ABR: variants seen among roughly 807,000 people sequenced by gnomAD.
The protein encoded by ABR is ABR activator of RhoGEF and GTPase.
In ABR, 35 loss-of-function variants were observed where a neutral mutation model predicts 107.2. The ratio of observed to expected loss-of-function variants is 0.33; its 90% CI spans 0.25 to 0.43. ABR has a LOEUF of 0.43. Ranked by LOEUF, ABR falls within the 20% of genes least tolerant of loss-of-function variation. The probability of loss-of-function intolerance (pLI) is 1.00; values close to 1 mark genes in which losing one functional copy is unlikely to be tolerated. For synonymous variants in ABR, 498 were observed against 462.0 expected, an observed-to-expected ratio of 1.08 and a Z score of -1.00; for missense variants, 815 against 1,115.2, an observed-to-expected ratio of 0.73 and a Z score of 3.83.
At chr17:1,224,541 T>G (rs906166932) in intron 1 of ABR, among the ~76,000 whole-genome samples, 1 of 152,106 alleles carries the variant, frequency 6.6e-6, no homozygotes, top group Non-Finnish European at 1.5e-5. Flanking sequence ...ATAATGAGTG[T>G]GATTGCTGGT....
intron 1 of ABR, chr17:1,177,786 A>G (rs1466516421): frequency 6.6e-6 from 1 of 152,260 alleles, no homozygotes; most frequent in African/African-American, 2.4e-5. Flanking sequence ...TTGCAAGCAC[A>G]CAGCTAAGAG....
chr17:1,206,209 A>G (rs1024654501), intron 1 of ABR, among the ~76,000 whole-genome samples: 1 of 152,146 alleles, frequency 6.6e-6, no homozygotes, highest in African/African-American at 2.4e-5. Context: ...CTCTCATGTG[A>G]CCACTGACGT....
Position 1,069,614 on chromosome 17 carries a change from G to A in ABR, c.1016+355C>T, listed in dbSNP as rs2035045767. On this transcript the variant is annotated intron_variant, in intron 9 of 22. Coordinates refer to ENST00000302538, the MANE Select transcript of ABR (RefSeq NM_021962.5). ...TTGAACCCGGGAGGCAGAGGTTGCA[G>A]TGAGCCGAGATCGCACCACTGCACT... 2.6e-5 allele frequency among the ~76,000 whole-genome samples: 4 copies of A among 152,294 alleles called. No homozygotes were observed. The South Asian group carries it at 8.3e-4, about 32-fold the overall frequency.
At chr17:1,190,388 CT>C (rs1464307625), upstream of ABR, among the ~76,000 whole-genome samples, 1 of 152,220 alleles carries the variant, frequency 6.6e-6, no homozygotes, top group East Asian at 1.9e-4. Context: ...AATCCCAGCA[CT>C]TTGGGAGGCC....
At chr17:1,081,109 C>G (rs1217191766) in intron 5 of ABR, among the ~76,000 whole-genome samples, 1 of 152,188 alleles carries the variant, frequency 6.6e-6, no homozygotes, top group Non-Finnish European at 1.5e-5. Flanking sequence ...ACCCCACACT[C>G]TCTGCACCAT....
rs1479450836 is a variant in ABR at position 1,148,765 on chromosome 17, A to C, written c.62-23398T>G. Among the ~76,000 whole-genome samples the C allele has an allele frequency of 6.6e-6, 1 of 152,224 alleles. No homozygotes were observed. Among genetic ancestry groups the C allele is most frequent in the East Asian group, 1.9e-4 (1 of 5,202 alleles). On this transcript the variant is annotated intron_variant, in intron 1 of 22. Coordinates refer to ENST00000302538, the MANE Select transcript of ABR (RefSeq NM_021962.5). The surrounding 1 kb of genome is among the most constrained non-coding windows in gnomAD (Gnocchi z 4.9). ...TTTCACAGATGCGGAGTCTCAGTTT[A>C]GCCAGGTGAGAGTTCCGGAGATGAC... is the stretch of plus-strand genomic sequence containing the variant.
chr17:1,025,091 C>T (rs1234298838), intron 16 of ABR, among the ~76,000 whole-genome samples: 3 of 113,860 alleles, frequency 2.6e-5, no homozygotes, highest in African/African-American at 9.7e-5. Context: ...CACTGCACTC[C>T]AGCCTGGGCG....
At chr17:1,018,342 C>T (rs1006696254) in intron 16 of ABR, among the ~76,000 whole-genome samples, 61 of 152,148 alleles carry the variant, frequency 4.0e-4, no homozygotes, top group African/African-American at 1.4e-3. Flanking sequence ...ACGCCTGGCC[C>T]GGGCCCTTAT....
intron 16 of ABR, among the ~76,000 whole-genome samples, chr17:1,018,839 A>C (rs1386811501): frequency 1.3e-5 from 2 of 152,206 alleles, no homozygotes; most frequent in African/African-American, 4.8e-5. Flanking sequence ...TGATCATGAT[A>C]GCAGACATAT....
Position 1,058,010 on chromosome 17 carries a change from C to T in ABR, c.1341G>A (p.Arg447=), listed in dbSNP as rs1008501716. 1.2e-5 allele frequency: 19 copies of T among 1,613,876 alleles called. No individual in the cohort carries two copies. Among genetic ancestry groups the T allele is most frequent in the Admixed American group, 3.3e-5 (2 of 59,990 alleles). ...YLFLLSSDYE[R]SEWREAIQKL... ...TCTGAATTGCTTCTCTCCACTCTGA[C>T]CTCTCGTAGTCCGAGGACAGTAGGA... is the stretch of plus-strand genomic sequence containing the variant. The change falls in exon 12 of 23, where the codon AGG becomes AGA. Residue 447 remains arginine (R), a synonymous_variant. Transcript: ENST00000302538.
intron 1 of ABR, among the ~76,000 whole-genome samples, chr17:1,178,509 A>G (rs1244485275): frequency 1.3e-5 from 2 of 151,052 alleles, no homozygotes; most frequent in African/African-American, 4.9e-5. Flanking sequence ...GGTTGCAATG[A>G]GCGGAGATTG....
chr17:1,050,035 G>A lies in ABR; in HGVS notation c.1791+15C>T, dbSNP rs773453148. On this transcript the variant is annotated intron_variant, in intron 16 of 22. Transcript: ENST00000302538. This position sits in a 1 kb window ranked among gnomAD's most constrained non-coding sequence, Gnocchi z 4.6. ...TGGAGGCTCCCTCAGCCTCGCCCCG[G>A]CGCCCTGGCCTCACCTGGATCTGTC... The A allele has an allele frequency of 1.2e-6, 2 of 1,610,596 alleles. No homozygotes were observed. The highest frequency in any genetic ancestry group is 1.7e-6 in the Non-Finnish European group (2 of 1,178,706).
At chr17:1,134,349 T>G (rs1488065940) in intron 1 of ABR, among the ~76,000 whole-genome samples, 1 of 151,962 alleles carries the variant, frequency 6.6e-6, no homozygotes, top group Non-Finnish European at 1.5e-5. Context: ...GAGGCAGAGG[T>G]TGCAGTGAGC....
At chr17:1,194,757 A>T (rs146249748) in intron 1 of ABR, among the ~76,000 whole-genome samples, 2,313 of 123,626 alleles carry the variant, frequency 0.019, 378 homozygotes, top group African/African-American at 0.059. Context: ...GGGTTCAAGC[A>T]ATCCTCCTGC....
At chr17:1,165,390 T>C (rs1160828546) in intron 1 of ABR, among the ~76,000 whole-genome samples, 2 of 152,190 alleles carry the variant, frequency 1.3e-5, no homozygotes, top group Admixed American at 6.5e-5. Flanking sequence ...TCAGCCAGGG[T>C]GGCACCCACA....
At chr17:1,209,191 A>C (rs895450435) in intron 1 of ABR, among the ~76,000 whole-genome samples, 2 of 151,942 alleles carry the variant, frequency 1.3e-5, no homozygotes, top group South Asian at 4.1e-4. Flanking sequence ...ACAGTCATAA[A>C]ATCAGACATA....
Position 1,037,593 on chromosome 17 carries a change from T to C in ABR, c.1791+12457A>G, listed in dbSNP as rs555901102. On this transcript the variant is annotated intron_variant, in intron 16 of 22. Coordinates refer to ENST00000302538, the MANE Select transcript of ABR (RefSeq NM_021962.5). The surrounding 1 kb of genome is among the most constrained non-coding windows in gnomAD (Gnocchi z 4.6). ...GAACAAAACTCACCCAGGGACAGAGTGGGCAGGGCGTGGCCCCTCAGTATG... is the reference window on the plus strand; with the variant it reads ...GAACAAAACTCACCCAGGGACAGAGCGGGCAGGGCGTGGCCCCTCAGTATG... 5.3e-5 allele frequency among the ~76,000 whole-genome samples: 8 copies of C among 152,124 alleles called. No individual in the cohort carries two copies. The South Asian group carries it at 1.7e-3, about 32-fold the overall frequency.
intron 1 of ABR, among the ~76,000 whole-genome samples, chr17:1,225,121 C>CA (rs2043189580): frequency 6.7e-6 from 1 of 148,576 alleles, no homozygotes; most frequent in African/African-American, 2.5e-5. Context: ...TGCACTCCAG[C>CA]CTGGGCAACA....
At chr17:1,188,961 A>G (rs2042373630), upstream of ABR, among the ~76,000 whole-genome samples, 1 of 152,210 alleles carries the variant, frequency 6.6e-6, no homozygotes, top group Non-Finnish European at 1.5e-5. Context: ...CAAATTTTCC[A>G]TAAAGCACTT....
Sources: gnomAD v4.1 joint callset for allele counts (sites outside exome capture counted in the v4.1 genomes callset) on GRCh38, gnomAD v4.1.1 for gene constraint, Gnocchi (gnomAD v3.1) non-coding constraint, MANE v1.5 for transcripts, NCBI Gene and HGNC (gene_info 2026-07-23, HGNC 2026-07-21) for gene names.